Variants in XRCC6 observed in about 807,000 individuals in gnomAD.
XRCC6 encodes the protein X-ray repair cross complementing 6, also known as DNA repair protein Ku70.
XRCC6 carries 5 observed loss-of-function variants against 65.7 expected under a neutral mutation model. The observed-to-expected ratio is 0.08, with a 90% confidence interval of 0.04 to 0.16. XRCC6 has a LOEUF of 0.16. XRCC6 is among the 10% of genes least tolerant of loss of function. The pLI is 1.00. For missense variants in XRCC6, 447 were observed against 738.1 expected (o/e 0.61, Z 4.57); for synonymous variants, 270 against 270.6 (o/e 1.00, Z 0.02).
chr22:41,658,652 A>G (rs2068069095), intron 11 of XRCC6, among the ~76,000 whole-genome samples: 2 of 152,254 alleles, frequency 1.3e-5, no homozygotes, highest in Admixed American at 1.3e-4. Context: ...ACGGTGGCTC[A>G]TGCCTGTAAT....
At chr22:41,634,811 G>A (rs1192137107) in intron 3 of XRCC6, among the ~76,000 whole-genome samples, 1 of 152,146 alleles carries the variant, frequency 6.6e-6, no homozygotes, top group Non-Finnish European at 1.5e-5. Flanking sequence ...CCAAAGTGCT[G>A]GGATTATAGG....
intron 6 of XRCC6, 108 bp downstream of exon 6, chr22:41,637,899 C>T (rs1472442606): frequency 4.1e-6 from 5 of 1,207,856 alleles, no homozygotes; most frequent in Non-Finnish European, 5.5e-6. Context: ...CCAAGGCAGG[C>T]GGATTGCTTG....
intron 8 of XRCC6, 93 bp downstream of exon 8, chr22:41,650,984 A>G: frequency 6.8e-7 from 1 of 1,480,806 alleles, no homozygotes; most frequent in Non-Finnish European, 9.3e-7. Flanking sequence ...GACACTGTAC[A>G]GGAAATGTTA....
At chr22:41,627,636 G>T (rs1569079374) in intron 2 of XRCC6, among the ~76,000 whole-genome samples, 1 of 150,256 alleles carries the variant, frequency 6.7e-6, no homozygotes, top group South Asian at 2.1e-4. Flanking sequence ...AAAAATAGAG[G>T]CCTGGTGGGG....
intron 1 of XRCC6, chr22:41,621,760 G>A (rs2067608507): frequency 2.0e-6 from 1 of 497,252 alleles, no homozygotes; most frequent in Non-Finnish European, 3.6e-6. Context: ...GCTTCCGCGG[G>A]CCGCCGCCGG....
At position 41,628,219 on chromosome 22, in the gene XRCC6, A is replaced by G. The variant is rs777034808; in HGVS notation, c.184A>G (p.Met62Val). ...QSEDELTPFD[M>V]SIQCIQSVYI... ...TGAAGATGAGTTGACACCTTTTGACATGAGCATCCAGGTAAGACTACCTTT... is the reference window on the plus strand; with the variant it reads ...TGAAGATGAGTTGACACCTTTTGACGTGAGCATCCAGGTAAGACTACCTTT... Residue 62 changes from methionine to valine, a missense_variant, in exon 3 of 13, where the codon ATG (methionine) becomes GTG (valine). Met to Val is a conservative substitution (Grantham distance 21, BLOSUM62 1). This residue lies in a region of XRCC6 where 228 missense variants were observed against 307.4 expected (regional missense o/e 0.74). Transcript: ENST00000360079. 5.0e-6 allele frequency: 8 copies of G among 1,612,326 alleles called. No homozygotes were observed. Among genetic ancestry groups the G allele is most frequent in the African/African-American group, 1.3e-5 (1 of 74,850 alleles).
At chr22:41,655,309 G>C (rs1234915977) in intron 9 of XRCC6, among the ~76,000 whole-genome samples, 1 of 151,492 alleles carries the variant, frequency 6.6e-6, no homozygotes, top group Non-Finnish European at 1.5e-5. Flanking sequence ...AAATTGTTAA[G>C]GGAAAAAATT....
chr22:41,661,014 C>T (rs2068094225), intron 11 of XRCC6, among the ~76,000 whole-genome samples: 2 of 148,928 alleles, frequency 1.3e-5, no homozygotes, highest in Non-Finnish European at 1.5e-5. Flanking sequence ...AGCCTGGCAA[C>T]AGAGCAAGAC....
chr22:41,630,405 T>C (rs2067727116), intron 3 of XRCC6, among the ~76,000 whole-genome samples: 1 of 152,018 alleles, frequency 6.6e-6, no homozygotes, highest in African/African-American at 2.4e-5. Flanking sequence ...CCACTATGCC[T>C]GGCACATTGT....
rs2147099685 is a variant in XRCC6, at chr22:41,647,049, T to G, written c.927T>G (p.Gly309=). The part of the protein sequence containing the change: ...KTRTFNTSTG[G]LLLPSDTKRS... The stretch of plus-strand genomic sequence containing the variant: ...GGACCTTTAATACAAGTACAGGCGG[T>G]TTGCTTCTGCCTAGCGATACCAAGA... The change falls in exon 7 of 13, where the codon GGT becomes GGG. Residue 309 remains glycine (G), a synonymous_variant. Coordinates refer to ENST00000360079, the MANE Select transcript of XRCC6 (RefSeq NM_001469.5). 6.2e-7 allele frequency: 1 copy of G among 1,614,120 alleles called. No individual in the cohort carries two copies. Among genetic ancestry groups the G allele is most frequent in the East Asian group, 2.2e-5 (1 of 44,880 alleles).
At chr22:41,632,003 C>G (rs2067759175) in intron 3 of XRCC6, among the ~76,000 whole-genome samples, 1 of 152,150 alleles carries the variant, frequency 6.6e-6, no homozygotes, top group Non-Finnish European at 1.5e-5. Context: ...CGGCACGCGC[C>G]TGCAATCGCA....
At chr22:41,651,591 A>T (rs2067997932) in intron 8 of XRCC6, among the ~76,000 whole-genome samples, 1 of 150,202 alleles carries the variant, frequency 6.7e-6, no homozygotes, top group Admixed American at 6.7e-5. Context: ...GTAATGGTGC[A>T]ATCTCGGCTC....
At chr22:41,650,040 A>G (rs1332570349) in intron 7 of XRCC6, among the ~76,000 whole-genome samples, 1 of 151,780 alleles carries the variant, frequency 6.6e-6, no homozygotes, top group Non-Finnish European at 1.5e-5. Flanking sequence ...AATAATAATA[A>G]ATAGATATGG....
chr22:41,645,550 G>A (rs2067922437), intron 6 of XRCC6, among the ~76,000 whole-genome samples: 1 of 152,002 alleles, frequency 6.6e-6, no homozygotes, highest in African/African-American at 2.4e-5. Context: ...CCCACCACTT[G>A]GCCAGAAGAA....
rs2068124635 is a variant in XRCC6 at position 41,664,008 on chromosome 22, C to T, written c.*193C>T. 1.6e-6 allele frequency: 1 copy of T among 628,038 alleles called. No individual in the cohort carries two copies. Among genetic ancestry groups the T allele is most frequent in the Non-Finnish European group, 2.7e-6 (1 of 365,288 alleles). 38.9% of individuals were successfully genotyped at this position (628,038 alleles called of 1,614,324 possible). A position where few individuals can be genotyped will look rare whatever the true frequency, so the allele number is the denominator to read the frequency against. Reference sequence around the variant, plus strand: ...TCCCACTTTGCTGTTCCTTACTTTACTGCCTGAATAAAGAGCCCTAAGTTT... The same window carrying T: ...TCCCACTTTGCTGTTCCTTACTTTATTGCCTGAATAAAGAGCCCTAAGTTT... On this transcript the variant is annotated 3_prime_UTR_variant, in exon 13 of 13. Coordinates refer to ENST00000360079, the MANE Select transcript of XRCC6 (RefSeq NM_001469.5).
intron 6 of XRCC6, among the ~76,000 whole-genome samples, chr22:41,645,844 G>A (rs570671297): frequency 6.6e-6 from 1 of 151,678 alleles, no homozygotes; most frequent in East Asian, 2.0e-4. Flanking sequence ...TATAGACTGT[G>A]CGTGCGCCAC....
At chr22:41,644,144 C>G (rs1258528162) in intron 6 of XRCC6, among the ~76,000 whole-genome samples, 1 of 151,658 alleles carries the variant, frequency 6.6e-6, no homozygotes, top group Non-Finnish European at 1.5e-5. Flanking sequence ...AAGACCCTGT[C>G]TCCAAAAAAA....
intron 8 of XRCC6, among the ~76,000 whole-genome samples, 158 bp downstream of exon 8, chr22:41,651,049 T>C (rs1415273002): frequency 1.3e-5 from 2 of 152,206 alleles, no homozygotes; most frequent in African/African-American, 4.8e-5. Context: ...CTCACACCTG[T>C]AATCCTAGCA....
At chr22:41,626,631 G>GC (rs1410878998) in intron 2 of XRCC6, among the ~76,000 whole-genome samples, 1 of 111,512 alleles carries the variant, frequency 9.0e-6, no homozygotes, top group Non-Finnish European at 2.0e-5. Flanking sequence ...ATGTTTGTTT[G>GC]TTTTTTTTTT....
Sources: gnomAD v4.1 joint callset for allele counts (sites outside exome capture counted in the v4.1 genomes callset) on GRCh38, gnomAD v4.1.1 for gene constraint, gnomAD v4.1.1 regional missense constraint, MANE v1.5 for transcripts, NCBI Gene and HGNC (gene_info 2026-07-23, HGNC 2026-07-21) for gene names.